Variants in KCTD16 observed in about 807,000 individuals in gnomAD.
The protein encoded by KCTD16 is BTB/POZ domain-containing protein KCTD16.
In KCTD16, 13 loss-of-function variants were observed where a neutral mutation model predicts 33.2. That is an observed-to-expected ratio of 0.39 (90% CI 0.25 to 0.62). KCTD16 has a LOEUF of 0.62. Among genes scored for constraint, KCTD16 ranks in the 20% least tolerant of loss-of-function variants. The pLI is 0.50. For synonymous variants in KCTD16, 197 were observed against 195.3 expected (o/e 1.01, Z -0.07); for missense variants, 441 against 525.1 (o/e 0.84, Z 1.57).
chr5:144,418,291 G>A (rs998283363), intron 3 of KCTD16, among the ~76,000 whole-genome samples: 1 of 152,134 alleles, frequency 6.6e-6, no homozygotes, highest in Non-Finnish European at 1.5e-5. Flanking sequence ...TGCCAACGGG[G>A]ATTCTGGTGG....
intron 3 of KCTD16, among the ~76,000 whole-genome samples, chr5:144,298,978 G>T (rs1279981392): frequency 7.2e-6 from 1 of 139,492 alleles, no homozygotes; most frequent in Non-Finnish European, 1.5e-5. Flanking sequence ...AATGGGGCAG[G>T]CTAAGAAAGA....
rs747862089 is a variant in KCTD16 at position 144,474,130 on chromosome 5, G to A, written c.*16G>A. On this transcript the variant is annotated 3_prime_UTR_variant, in exon 4 of 4. Transcript: ENST00000512467. ...TCATCTATAAGGGAGGGCTGGGGGC[G>A]GGAAAAGAAAAAAAAAAGTCATTTT... The A allele has an allele frequency of 1.6e-5, 25 of 1,530,208 alleles. No individual in the cohort carries two copies. The highest frequency in any genetic ancestry group is 3.7e-5 in the South Asian group (3 of 81,340). The allele number at this position is 1,530,208 out of a possible 1,614,324, so 94.8% of individuals were successfully genotyped here.
intron 3 of KCTD16, among the ~76,000 whole-genome samples, chr5:144,386,263 C>T (rs142981503): frequency 5.3e-5 from 8 of 152,242 alleles, no homozygotes; most frequent in Non-Finnish European, 1.0e-4. Context: ...TCATGCCTTC[C>T]GAATGGCAGC....
intron 3 of KCTD16, chr5:144,385,408 G>A (rs1752302382): frequency 6.6e-6 from 1 of 152,088 alleles, no homozygotes; most frequent in African/African-American, 2.4e-5. Flanking sequence ...TTGGGGCCAA[G>A]CCATGGGGAT....
chr5:144,380,153 A>C (rs1056718324), intron 3 of KCTD16, among the ~76,000 whole-genome samples: 28 of 152,194 alleles, frequency 1.8e-4, no homozygotes, highest in Non-Finnish European at 3.8e-4. Context: ...TTCAGGCTAC[A>C]AAATAAATAT....
intron 2 of KCTD16, among the ~76,000 whole-genome samples, chr5:144,196,244 G>A (rs1008409103): frequency 2.0e-5 from 3 of 152,104 alleles, no homozygotes; most frequent in South Asian, 4.1e-4. Context: ...GGCTCTGCAG[G>A]TGATCTTATT....
intron 3 of KCTD16, among the ~76,000 whole-genome samples, chr5:144,408,687 T>A (rs1752866212): frequency 6.6e-6 from 1 of 152,136 alleles, no homozygotes; most frequent in East Asian, 1.9e-4. Flanking sequence ...TTAGAATAAA[T>A]CCACATATGT....
intron 3 of KCTD16, among the ~76,000 whole-genome samples, chr5:144,391,890 TA>T (rs1277733341): frequency 5.9e-5 from 9 of 152,226 alleles, no homozygotes; most frequent in Non-Finnish European, 2.9e-5. Context: ...GTGTTGAATT[TA>T]CTTATCTGTG....
chr5:144,175,627 C>T (rs1048166360), intron 2 of KCTD16, among the ~76,000 whole-genome samples: 2 of 152,052 alleles, frequency 1.3e-5, no homozygotes, highest in Non-Finnish European at 2.9e-5. Context: ...GGGTAGAGGC[C>T]CTGGAGCCAG....
chr5:144,401,720 A>C (rs1752708499), intron 3 of KCTD16, among the ~76,000 whole-genome samples: 2 of 152,244 alleles, frequency 1.3e-5, no homozygotes, highest in Admixed American at 1.3e-4. Context: ...GTGAATATTT[A>C]TTTAGAAATA....
Position 144,287,337 on chromosome 5 carries a change from C to T in KCTD16, c.832+79791C>T, listed in dbSNP as rs189127762. 3.1e-5 allele frequency among the ~76,000 whole-genome samples: 3 copies of T among 95,980 alleles called. No homozygotes were observed. The Admixed American group carries it at 3.3e-4, about 11-fold the overall frequency. 63.0% of individuals were successfully genotyped at this position (95,980 alleles called of 152,430 possible). On this transcript the variant is annotated intron_variant, in intron 3 of 3. Transcript: ENST00000512467. ...GTGAGGCGGGACACCAGTTCAAATG[C>T]TGCTGTGGATTTCAGAGCACAGCTG...
chr5:144,263,790 T>C (rs1184604585), intron 3 of KCTD16, among the ~76,000 whole-genome samples: 2 of 152,234 alleles, frequency 1.3e-5, no homozygotes, highest in Non-Finnish European at 2.9e-5. Context: ...AGACATTTAT[T>C]TCCCACAGTT....
intron 3 of KCTD16, among the ~76,000 whole-genome samples, chr5:144,427,576 A>T (rs1580956658): frequency 6.6e-6 from 1 of 152,244 alleles, no homozygotes; most frequent in East Asian, 1.9e-4. Flanking sequence ...AAGAGAAGAT[A>T]CATCTTGGAT....
intron 2 of KCTD16, among the ~76,000 whole-genome samples, chr5:144,185,200 A>T (rs1752700979): frequency 6.6e-6 from 1 of 152,176 alleles, no homozygotes. Context: ...TAGGAAGTTG[A>T]TTTAGAGTCT....
intron 3 of KCTD16, among the ~76,000 whole-genome samples, chr5:144,328,092 A>G (rs1752257481): frequency 6.6e-6 from 1 of 152,176 alleles, no homozygotes; most frequent in Non-Finnish European, 1.5e-5. Flanking sequence ...GAAAGTGAGA[A>G]AAGTGAGTGT....
At chr5:144,353,579 TCA>T (rs1035550488) in intron 3 of KCTD16, among the ~76,000 whole-genome samples, 1 of 152,216 alleles carries the variant, frequency 6.6e-6, no homozygotes, top group African/African-American at 2.4e-5. Flanking sequence ...AGGCAGTTCC[TCA>T]CATATTATAA....
intron 3 of KCTD16, among the ~76,000 whole-genome samples, chr5:144,436,739 C>T (rs564870995): frequency 5.9e-5 from 9 of 151,844 alleles, no homozygotes; most frequent in East Asian, 1.9e-4. Flanking sequence ...AGGAGCATGC[C>T]GCCACGCCCA....
At chr5:144,316,070 T>C (rs973494428) in intron 3 of KCTD16, among the ~76,000 whole-genome samples, 3 of 152,148 alleles carry the variant, frequency 2.0e-5, no homozygotes, top group Admixed American at 2.0e-4. Flanking sequence ...CAACTCTTTT[T>C]GTTCTTATGT....
chr5:144,257,494 T>C (rs1470455133), intron 3 of KCTD16, among the ~76,000 whole-genome samples: 1 of 151,956 alleles, frequency 6.6e-6, no homozygotes, highest in Non-Finnish European at 1.5e-5. Flanking sequence ...AGTCATAGTT[T>C]CTTTTTTTTT....
Sources: gnomAD v4.1 joint callset for allele counts (sites outside exome capture counted in the v4.1 genomes callset) on GRCh38, gnomAD v4.1.1 for gene constraint, MANE v1.5 for transcripts, NCBI Gene and HGNC (gene_info 2026-07-23, HGNC 2026-07-21) for gene names.